Variants in KLHL1 observed in about 807,000 individuals in gnomAD.
KLHL1 encodes kelch like family member 1.
Under a neutral mutation model 77.7 loss-of-function variants are expected in KLHL1, and 47 were observed. That is an observed-to-expected ratio of 0.60 (90% CI 0.48 to 0.77). KLHL1 has a LOEUF of 0.77. KLHL1 is among the 30% of genes least tolerant of loss of function. The probability of loss-of-function intolerance (pLI) is 0.00; values close to 1 mark genes in which losing one functional copy is unlikely to be tolerated. For missense variants in KLHL1, 925 were observed against 910.8 expected, an observed-to-expected ratio of 1.02 and a Z score of -0.20; for synonymous variants, 360 against 325.2, an observed-to-expected ratio of 1.11 and a Z score of -1.15.
chr13:69,981,625 A>C (rs1884713381), intron 1 of KLHL1, among the ~76,000 whole-genome samples: 1 of 152,066 alleles, frequency 6.6e-6, no homozygotes, highest in Non-Finnish European at 1.5e-5. Context: ...CATTAGAGTT[A>C]TATGTATTTT....
intron 6 of KLHL1, among the ~76,000 whole-genome samples, chr13:69,797,477 C>A (rs192398636): frequency 1.3e-5 from 2 of 152,124 alleles, no homozygotes; most frequent in Admixed American, 1.3e-4. Flanking sequence ...GATATATAAG[C>A]AAATATTTGC....
Position 69,745,653 on chromosome 13 carries a change from A to G in KLHL1, c.1640-5097T>C, listed in dbSNP as rs149988760. On this transcript the variant is annotated intron_variant, in intron 7 of 10. Coordinates refer to ENST00000377844, the MANE Select transcript of KLHL1 (RefSeq NM_020866.3). Reference sequence around the variant, plus strand: ...GATCATAGGATTAAATATAAAAATTAAAACAATAAACTTTTCAGAATATAA... The same window carrying G: ...GATCATAGGATTAAATATAAAAATTGAAACAATAAACTTTTCAGAATATAA... Among the ~76,000 whole-genome samples, 822 of 152,082 alleles carry G rather than the reference A, an allele frequency of 5.4e-3. 7 individuals are homozygous for G. The highest frequency in any genetic ancestry group is 0.019 in the African/African-American group (783 of 41,566).
At chr13:69,933,069 A>G (rs1883057249) in intron 4 of KLHL1, among the ~76,000 whole-genome samples, 1 of 152,030 alleles carries the variant, frequency 6.6e-6, no homozygotes, top group Non-Finnish European at 1.5e-5. Flanking sequence ...TCAACATTAA[A>G]CATCACTAGT....
rs73504098 is a variant in KLHL1, at chr13:69,806,645, C to G, written c.1415-9683G>C. Among the ~76,000 whole-genome samples, 691 of 152,270 alleles carry G rather than the reference C, an allele frequency of 4.5e-3. 11 individuals carry two copies. The highest frequency in any genetic ancestry group is 0.016 in the African/African-American group (663 of 41,572). ...GAGCTCAGAAATCAGCTTTAACAAT[C>G]TGGGCCATGGGAGAAACCCTTGACC... On this transcript the variant is annotated intron_variant, in intron 6 of 10. Transcript: ENST00000377844.
intron 4 of KLHL1, among the ~76,000 whole-genome samples, chr13:69,888,565 T>A (rs545865472): frequency 2.0e-5 from 3 of 152,204 alleles, no homozygotes; most frequent in African/African-American, 4.8e-5. Context: ...AGAGATTATG[T>A]GTAGTTATGC....
chr13:70,032,632 C>G (rs1486914509), intron 1 of KLHL1, among the ~76,000 whole-genome samples: 2 of 152,040 alleles, frequency 1.3e-5, no homozygotes, highest in East Asian at 3.9e-4. Context: ...ATTAAATGCT[C>G]TTTATTTTTT....
intron 1 of KLHL1, among the ~76,000 whole-genome samples, chr13:69,978,973 TG>T (rs754428359): frequency 5.3e-5 from 8 of 151,860 alleles, no homozygotes; most frequent in Non-Finnish European, 7.4e-5. Context: ...GACCCTGGTT[TG>T]GGGGGCTGGG....
chr13:70,021,232 T>G (rs956154011), intron 1 of KLHL1, among the ~76,000 whole-genome samples: 7 of 152,084 alleles, frequency 4.6e-5, no homozygotes, highest in Non-Finnish European at 1.0e-4. Context: ...TTTCCATAGT[T>G]TTGCCTTTTC....
chr13:70,035,450 G>A (rs1886215474), intron 1 of KLHL1, among the ~76,000 whole-genome samples: 1 of 151,882 alleles, frequency 6.6e-6, no homozygotes, highest in African/African-American at 2.4e-5. Context: ...AGTAGTGAGG[G>A]ATTGGGAGGG....
At chr13:69,717,467 G>A (rs1872819025) in intron 9 of KLHL1, among the ~76,000 whole-genome samples, 2 of 152,086 alleles carry the variant, frequency 1.3e-5, no homozygotes, top group Admixed American at 6.6e-5. Context: ...TACTTAAGCT[G>A]CTCATATCCA....
chr13:69,989,834 T>A (rs1202142705), intron 1 of KLHL1, among the ~76,000 whole-genome samples: 1 of 152,060 alleles, frequency 6.6e-6, no homozygotes, highest in African/African-American at 2.4e-5. Flanking sequence ...TTTGCTGAAG[T>A]TGCTTATCAG....
chr13:69,895,391 G>A (rs1387638644), intron 4 of KLHL1, among the ~76,000 whole-genome samples: 1 of 152,096 alleles, frequency 6.6e-6, no homozygotes, highest in Non-Finnish European at 1.5e-5. Context: ...AGCTGCCACT[G>A]TCATGGTGCG....
chr13:69,755,468 C>G (rs1031602178), intron 7 of KLHL1, among the ~76,000 whole-genome samples: 1 of 151,972 alleles, frequency 6.6e-6, no homozygotes, highest in Non-Finnish European at 1.5e-5. Flanking sequence ...AAATAACACA[C>G]AGGAACATTG....
chr13:69,897,698 GA>G (rs747875028), intron 4 of KLHL1, among the ~76,000 whole-genome samples: 6 of 152,124 alleles, frequency 3.9e-5, no homozygotes, highest in Admixed American at 1.3e-4. Context: ...ATCCTCAGTT[GA>G]TGACTATTTG....
chr13:69,867,991 T>A (rs537879007), intron 5 of KLHL1, among the ~76,000 whole-genome samples: 1 of 150,284 alleles, frequency 6.7e-6, no homozygotes, highest in African/African-American at 2.5e-5. Context: ...ACCCTAAAAC[T>A]TAAAGCATAA....
At chr13:69,808,678 C>T (rs1877729290) in intron 6 of KLHL1, among the ~76,000 whole-genome samples, 2 of 152,072 alleles carry the variant, frequency 1.3e-5, no homozygotes, top group Admixed American at 6.6e-5. Flanking sequence ...TTTGTCACCT[C>T]CAGAGGATTT....
intron 7 of KLHL1, among the ~76,000 whole-genome samples, chr13:69,776,715 T>A (rs1218392766): frequency 1.3e-5 from 2 of 152,154 alleles, no homozygotes; most frequent in Admixed American, 1.3e-4. Context: ...AATAATTAAT[T>A]TCCCCAGAAA....
intron 1 of KLHL1, among the ~76,000 whole-genome samples, chr13:70,042,692 A>G (rs1014139022): frequency 6.6e-6 from 1 of 152,210 alleles, no homozygotes; most frequent in Non-Finnish European, 1.5e-5. Context: ...ACAATATTAT[A>G]ATTTTTATTA....
At chr13:69,765,666 G>C (rs910612302) in intron 7 of KLHL1, among the ~76,000 whole-genome samples, 4 of 152,182 alleles carry the variant, frequency 2.6e-5, no homozygotes, top group South Asian at 2.1e-4. Flanking sequence ...CATACAGGAA[G>C]ATAAAAGATA....
Sources: gnomAD v4.1 joint callset for allele counts (sites outside exome capture counted in the v4.1 genomes callset) on GRCh38, gnomAD v4.1.1 for gene constraint, MANE v1.5 for transcripts, NCBI Gene and HGNC (gene_info 2026-07-23, HGNC 2026-07-21) for gene names.